SGCD: variants seen among roughly 807,000 people sequenced by gnomAD.
The protein encoded by SGCD is delta-sarcoglycan.
Under a neutral mutation model 36.6 loss-of-function variants are expected in SGCD, and 18 were observed. The observed-to-expected ratio is 0.49, with a 90% CI of 0.34 to 0.73. The LOEUF (loss-of-function observed/expected upper bound fraction) is 0.73. Among genes scored for constraint, SGCD ranks in the 30% least tolerant of loss-of-function variants. SGCD has a pLI of 0.01. For missense variants in SGCD, 387 were observed against 346.7 expected, an observed-to-expected ratio of 1.12 and a Z score of -0.92; for synonymous variants, 133 against 130.6, an observed-to-expected ratio of 1.02 and a Z score of -0.12.
intron 1 of SGCD, among the ~76,000 whole-genome samples, chr5:156,069,517 G>C (rs970814339): frequency 1.4e-4 from 21 of 152,144 alleles, no homozygotes; most frequent in African/African-American, 5.1e-4. Context: ...TGCTGTTTTG[G>C]TTACTGTAGC....
At chr5:156,200,850 G>A (rs1357363720) in intron 3 of SGCD, among the ~76,000 whole-genome samples, 3 of 152,086 alleles carry the variant, frequency 2.0e-5, no homozygotes, top group East Asian at 1.9e-4. Context: ...GATGTCCATC[G>A]ACAGATGAAT....
At chr5:156,720,918 C>A (rs1227533784) in intron 7 of SGCD, among the ~76,000 whole-genome samples, 1 of 151,992 alleles carries the variant, frequency 6.6e-6, no homozygotes, top group Non-Finnish European at 1.5e-5. Flanking sequence ...TAGGATGGTG[C>A]CTTGGACTAG....
At chr5:156,015,623 ATATATG>A (rs199551832) in intron 1 of SGCD, among the ~76,000 whole-genome samples, 20 of 151,800 alleles carry the variant, frequency 1.3e-4, no homozygotes, top group East Asian at 9.7e-4. Context: ...GTGTGTGTAT[ATATATG>A]TATATGTATA....
intron 1 of SGCD, among the ~76,000 whole-genome samples, chr5:155,946,848 G>A (rs1377683334): frequency 6.6e-6 from 1 of 152,148 alleles, no homozygotes; most frequent in East Asian, 1.9e-4. Context: ...CATCACATAG[G>A]GTGATGGCAC....
chr5:155,814,811 A>G, the SGCD span, among the ~76,000 whole-genome samples: 1 of 152,242 alleles, frequency 6.6e-6, no homozygotes, highest in Non-Finnish European at 1.5e-5. Flanking sequence ...TATGATGGTA[A>G]AAGTTACTAC....
chr5:156,007,024 C>T (rs1758771578), intron 1 of SGCD, among the ~76,000 whole-genome samples: 1 of 152,226 alleles, frequency 6.6e-6, no homozygotes, highest in Middle Eastern at 3.2e-3. Context: ...TTCAACTGCA[C>T]ACCTTGAAAT....
chr5:156,189,239 G>A (rs1249024944), intron 3 of SGCD, among the ~76,000 whole-genome samples: 1 of 152,142 alleles, frequency 6.6e-6, no homozygotes, highest in Non-Finnish European at 1.5e-5. Flanking sequence ...TGACACAGAT[G>A]TTCTGTTTTT....
rs543103757 is a variant in SGCD at position 156,631,090 on chromosome 5, A to T, written c.503-16374A>T. Among the ~76,000 whole-genome samples, 19 of 152,308 alleles carry T rather than the reference A, an allele frequency of 1.2e-4. 1 individual carries two copies. Among genetic ancestry groups the T allele is most frequent in the African/African-American group, 4.1e-4 (17 of 41,572 alleles). On this transcript the variant is annotated intron_variant, in intron 6 of 8. Transcript: ENST00000337851. ...CCTCCCAGAAACTGAGGTATAGATC[A>T]CTATGTAAAATAATGGAAGATGTCT...
At chr5:156,650,302 T>C (rs1763411914) in intron 7 of SGCD, among the ~76,000 whole-genome samples, 1 of 152,188 alleles carries the variant, frequency 6.6e-6, no homozygotes, top group Non-Finnish European at 1.5e-5. Flanking sequence ...GTTATAGGTA[T>C]GTCCCACAGA....
intron 6 of SGCD, among the ~76,000 whole-genome samples, chr5:156,604,147 A>G (rs1048685273): frequency 8.6e-5 from 13 of 151,830 alleles, no homozygotes; most frequent in Non-Finnish European, 1.6e-4. Flanking sequence ...CTATACAATG[A>G]CCTTCTCCTT....
intron 1 of SGCD, among the ~76,000 whole-genome samples, chr5:155,876,343 A>C (rs6874597): frequency 0.17 from 25,336 of 151,826 alleles, 3,258 homozygotes; most frequent in African/African-American, 0.37. Flanking sequence ...TCAATACAAG[A>C]ATATCTGTAT....
At chr5:156,689,955 TG>T (rs1754048961) in intron 7 of SGCD, among the ~76,000 whole-genome samples, 1 of 152,238 alleles carries the variant, frequency 6.6e-6, no homozygotes, top group African/African-American at 2.4e-5. Flanking sequence ...TTGTAGTGTC[TG>T]TGATATCTTG....
At chr5:156,601,549 GT>G (rs1455678218) in intron 6 of SGCD, among the ~76,000 whole-genome samples, 1 of 152,156 alleles carries the variant, frequency 6.6e-6, no homozygotes. Flanking sequence ...TTTGTAGTAT[GT>G]TTAGAAGTGC....
Position 156,072,923 on chromosome 5 carries a change from C to T in SGCD, c.-281-44955C>T, listed in dbSNP as rs187900934. Among the ~76,000 whole-genome samples the T allele has an allele frequency of 6.6e-4, 100 of 152,286 alleles. 1 individual carries two copies. Among genetic ancestry groups the T allele is most frequent in the African/African-American group, 2.3e-3 (94 of 41,550 alleles). On this transcript the variant is annotated intron_variant, in intron 1 of 9. Transcript: ENST00000517913. ...CACCCTTTGTTCCAGTTGATCGCAT[C>T]GGCTCCTGAGGCTTCTGCATTCTTC...
the SGCD span, among the ~76,000 whole-genome samples, chr5:155,751,702 GT>G: frequency 1.4e-5 from 2 of 146,238 alleles, no homozygotes; most frequent in Admixed American, 6.8e-5. Flanking sequence ...ATATCAAGGT[GT>G]TTTTTTTTAT....
At chr5:155,770,186 A>T in the SGCD span, among the ~76,000 whole-genome samples, 1 of 152,224 alleles carries the variant, frequency 6.6e-6, no homozygotes, top group East Asian at 1.9e-4. Context: ...CAAGGAGGCA[A>T]GCAAATCATA....
At chr5:156,071,073 A>G (rs1468620540) in intron 1 of SGCD, among the ~76,000 whole-genome samples, 2 of 152,112 alleles carry the variant, frequency 1.3e-5, no homozygotes, top group East Asian at 1.9e-4. Context: ...TGATCCTTCC[A>G]AAAAGCAGCT....
intron 4 of SGCD, among the ~76,000 whole-genome samples, chr5:156,519,937 TCCTTTTG>T (rs1757331400): frequency 6.6e-6 from 1 of 152,168 alleles, no homozygotes; most frequent in South Asian, 2.1e-4. Flanking sequence ...TGGAAGAATT[TCCTTTTG>T]AAAACTGGCA....
chr5:156,216,105 C>T (rs958510972), intron 3 of SGCD, among the ~76,000 whole-genome samples: 2 of 152,042 alleles, frequency 1.3e-5, no homozygotes, highest in Non-Finnish European at 2.9e-5. Context: ...TGATCTCACA[C>T]CTAGAATCTA....
Sources: allele counts gnomAD v4.1 joint callset (sites outside exome capture counted in the v4.1 genomes callset), GRCh38; gene constraint gnomAD v4.1.1; transcripts MANE v1.5; gene names NCBI Gene and HGNC (gene_info 2026-07-23, HGNC 2026-07-21).